ARHGAP26: variants seen among roughly 807,000 people sequenced by gnomAD.
ARHGAP26 encodes the protein rho GTPase-activating protein 26.
A neutral mutation model predicts 104.8 loss-of-function variants in ARHGAP26; 38 were observed. The ratio of observed to expected loss-of-function variants is 0.36; its 90% confidence interval spans 0.28 to 0.48. The LOEUF is 0.48. Ranked by LOEUF, ARHGAP26 falls within the 20% of genes least tolerant of loss-of-function variation. The pLI is 0.99. For synonymous variants in ARHGAP26, 341 were observed against 340.0 expected, an observed-to-expected ratio of 1.00 and a Z score of -0.03; for missense variants, 704 against 947.9, an observed-to-expected ratio of 0.74 and a Z score of 3.38.
chr5:143,044,675 A>G (rs1483190572), intron 14 of ARHGAP26, among the ~76,000 whole-genome samples: 2 of 152,212 alleles, frequency 1.3e-5, no homozygotes, highest in African/African-American at 4.8e-5. Context: ...GCTTTCCTGA[A>G]ATAATGGCTG....
chr5:143,098,173 C>G (rs1303032563), intron 17 of ARHGAP26, among the ~76,000 whole-genome samples: 1 of 152,108 alleles, frequency 6.6e-6, no homozygotes, highest in Non-Finnish European at 1.5e-5. Context: ...AATTCTTGTT[C>G]TACAGCTGTG....
chr5:142,770,820 A>G lies in ARHGAP26; in HGVS notation c.59A>G (p.Glu20Gly), dbSNP rs746886307. 5.6e-6 allele frequency: 9 copies of G among 1,609,276 alleles called. No homozygotes were observed. The highest frequency in any genetic ancestry group is 3.4e-5 in the Admixed American group (2 of 59,658). ...DCCLDSPHFR[E>G]TLKSHEAELD... is the part of the protein sequence containing the mutation. ...TGCCTCGATAGTCCGCACTTCCGAG[A>G]GACGCTCAAGTCGCACGAAGCAGAG... The change falls in exon 1 of 23, where the codon GAG becomes GGG. Residue 20 changes from glutamate to glycine, a missense_variant. Around this residue, in one of 6 missense-constraint regions of ARHGAP26, gnomAD observed 77 missense variants for 82.6 expected, o/e 0.93. Transcript: ENST00000645722.
intron 17 of ARHGAP26, among the ~76,000 whole-genome samples, chr5:143,099,922 T>G (rs1377677771): frequency 6.6e-6 from 1 of 152,184 alleles, no homozygotes; most frequent in African/African-American, 2.4e-5. Flanking sequence ...GTACAGAAAT[T>G]TTTAAATATT....
intron 1 of ARHGAP26, among the ~76,000 whole-genome samples, chr5:142,782,383 C>T (rs972957103): frequency 2.0e-5 from 3 of 152,158 alleles, no homozygotes; most frequent in Non-Finnish European, 2.9e-5. Flanking sequence ...GTGAGACCCA[C>T]GCAGGGGTCC....
intron 21 of ARHGAP26, among the ~76,000 whole-genome samples, chr5:143,207,873 A>G (rs781076071): frequency 7.2e-5 from 11 of 152,264 alleles, no homozygotes; most frequent in African/African-American, 1.9e-4. Context: ...CTAAGCACTG[A>G]CACCCAGTCA....
chr5:142,890,944 G>GCATGTATACTATTTTGATATATGCCTATA (rs1562025865), intron 5 of ARHGAP26, among the ~76,000 whole-genome samples: 2 of 151,732 alleles, frequency 1.3e-5, no homozygotes, highest in African/African-American at 4.9e-5. Flanking sequence ...TCCTTATAGG[G>GCATGTATACTATTTTGATATATGCCTATA]ATTTCCTTCT....
At chr5:142,991,658 AC>A (rs1445956279) in intron 11 of ARHGAP26, among the ~76,000 whole-genome samples, 1 of 152,080 alleles carries the variant, frequency 6.6e-6, no homozygotes, top group Admixed American at 6.5e-5. Flanking sequence ...ATGTTTAGAT[AC>A]AGAAATACTA....
chr5:142,895,420 C>A (rs925435604), intron 6 of ARHGAP26, among the ~76,000 whole-genome samples: 1 of 151,888 alleles, frequency 6.6e-6, no homozygotes, highest in Admixed American at 6.6e-5. Flanking sequence ...TTAGTAGAGA[C>A]GGGGTTTCAC....
rs1348145940 is a variant in ARHGAP26, at chr5:143,124,538, A to T, written c.1698+3391A>T. On this transcript the variant is annotated intron_variant, in intron 18 of 22. Transcript: ENST00000645722. ...CACTCCACACAGCTGGGACTTTGGTACTAGGTGTTGACCAGAATGCCTTGA... is the reference window on the plus strand; with the variant it reads ...CACTCCACACAGCTGGGACTTTGGTTCTAGGTGTTGACCAGAATGCCTTGA... Among the ~76,000 whole-genome samples, 3 of 152,190 alleles carry T rather than the reference A, an allele frequency of 2.0e-5. No homozygotes were observed. The East Asian group carries it at 5.8e-4, about 29-fold the overall frequency.
intron 11 of ARHGAP26, among the ~76,000 whole-genome samples, chr5:142,999,247 A>G (rs1186311887): frequency 6.6e-6 from 1 of 152,166 alleles, no homozygotes; most frequent in East Asian, 1.9e-4. Flanking sequence ...TTCAAATCAT[A>G]GCTTATAGAT....
chr5:143,151,142 C>T (rs1050338448), intron 20 of ARHGAP26, among the ~76,000 whole-genome samples: 3 of 152,146 alleles, frequency 2.0e-5, no homozygotes, highest in African/African-American at 7.2e-5. Context: ...AAAGGACATA[C>T]AGGTGTCAAG....
intron 6 of ARHGAP26, among the ~76,000 whole-genome samples, chr5:142,895,273 C>A (rs752969656): frequency 3.9e-5 from 6 of 152,066 alleles, no homozygotes; most frequent in Non-Finnish European, 7.4e-5. Context: ...CTCTGTCACC[C>A]AGGCTGGAGT....
intron 20 of ARHGAP26, among the ~76,000 whole-genome samples, chr5:143,183,431 ACTCT>A (rs1209738321): frequency 6.6e-6 from 1 of 152,090 alleles, no homozygotes; most frequent in Non-Finnish European, 1.5e-5. Context: ...GTAAATGTTA[ACTCT>A]TAGTACTATT....
At chr5:142,774,638 C>T (rs1377069436) in intron 1 of ARHGAP26, among the ~76,000 whole-genome samples, 1 of 152,178 alleles carries the variant, frequency 6.6e-6, no homozygotes, top group Non-Finnish European at 1.5e-5. Context: ...GTTGTACATT[C>T]TGTGGATTTT....
intron 10 of ARHGAP26, among the ~76,000 whole-genome samples, chr5:142,927,773 C>T (rs1005536474): frequency 6.6e-6 from 1 of 152,184 alleles, no homozygotes; most frequent in Non-Finnish European, 1.5e-5. Context: ...AACTTATTCT[C>T]CCATCAGCAA....
At chr5:142,942,593 G>T (rs1439634958) in intron 11 of ARHGAP26, among the ~76,000 whole-genome samples, 8 of 152,010 alleles carry the variant, frequency 5.3e-5, no homozygotes, top group Admixed American at 5.2e-4. Flanking sequence ...AAGGTTTTTT[G>T]TTCCCACTCT....
intron 19 of ARHGAP26, among the ~76,000 whole-genome samples, chr5:143,134,325 T>G (rs1797690420): frequency 6.6e-6 from 1 of 152,214 alleles, no homozygotes; most frequent in Admixed American, 6.5e-5. Flanking sequence ...CCATTGAGGA[T>G]TCTCTTTCCA....
intron 2 of ARHGAP26, 130 bp from the exon 3 acceptor site, chr5:142,874,980 G>A (rs749343713): frequency 1.4e-6 from 1 of 716,274 alleles, no homozygotes; most frequent in African/African-American, 1.8e-5. Context: ...AGGGAGCCTT[G>A]GGAAGCAATT....
intron 11 of ARHGAP26, among the ~76,000 whole-genome samples, chr5:142,948,908 C>T (rs1219027903): frequency 1.3e-5 from 2 of 151,752 alleles, no homozygotes; most frequent in African/African-American, 2.4e-5. Context: ...AGTTTGAGAC[C>T]AGCCTGGACA....
Sources: gnomAD v4.1 joint callset for allele counts (sites outside exome capture counted in the v4.1 genomes callset) on GRCh38, gnomAD v4.1.1 for gene constraint, gnomAD v4.1.1 regional missense constraint, MANE v1.5 for transcripts, NCBI Gene and HGNC (gene_info 2026-07-23, HGNC 2026-07-21) for gene names.